The following USP6NL variants were observed in gnomAD, a reference collection of about 807,000 sequenced individuals.
USP6NL encodes the protein USP6 N-terminal-like protein.
Under a neutral mutation model 61.9 loss-of-function variants are expected in USP6NL, and 26 were observed. That is an observed-to-expected ratio of 0.42 (90% confidence interval 0.31 to 0.58). The LOEUF (loss-of-function observed/expected upper bound fraction) is 0.58. USP6NL is among the 20% of genes least tolerant of loss of function. The pLI is 0.16. For synonymous variants in USP6NL, 432 were observed against 390.1 expected (o/e 1.11, Z -1.27); for missense variants, 1,114 against 1,034.3 (o/e 1.08, Z -1.06).
intron 2 of USP6NL, among the ~76,000 whole-genome samples, chr10:11,556,495 TA>T (rs929589286): frequency 6.6e-6 from 1 of 152,024 alleles, no homozygotes; most frequent in African/African-American, 2.4e-5. Flanking sequence ...AGATTAAATG[TA>T]AAAAAACAGA....
intron 2 of USP6NL, among the ~76,000 whole-genome samples, chr10:11,546,279 T>C (rs980490400): frequency 2.0e-5 from 3 of 152,218 alleles, no homozygotes; most frequent in Non-Finnish European, 4.4e-5. Context: ...CTAACATGAA[T>C]AGAAAACTAA....
At chr10:11,527,414 T>G in intron 3 of USP6NL, 86 bp downstream of exon 3, 1 of 1,215,378 alleles carries the variant, frequency 8.2e-7, no homozygotes, top group South Asian at 1.3e-5. Context: ...GCTTCTGGAA[T>G]GTAAGCCCTC....
chr10:11,530,981 A>T (rs1269263579), intron 2 of USP6NL, among the ~76,000 whole-genome samples: 1 of 152,236 alleles, frequency 6.6e-6, no homozygotes, highest in Non-Finnish European at 1.5e-5. Context: ...GATTATCAAC[A>T]GCTGTCTTGT....
chr10:11,473,379 G>A (rs543206879), intron 14 of USP6NL, among the ~76,000 whole-genome samples: 3 of 152,334 alleles, frequency 2.0e-5, no homozygotes, highest in Non-Finnish European at 2.9e-5. Context: ...AGCATGTGTA[G>A]TGGACGGGTC....
intron 2 of USP6NL, among the ~76,000 whole-genome samples, chr10:11,571,116 T>C (rs1311375145): frequency 6.6e-6 from 1 of 151,014 alleles, no homozygotes; most frequent in Non-Finnish European, 1.5e-5. Context: ...AAAGTTTTAC[T>C]CTTGTTGCCC....
chr10:11,550,458 T>C (rs762198431), intron 2 of USP6NL, among the ~76,000 whole-genome samples: 11 of 152,004 alleles, frequency 7.2e-5, no homozygotes, highest in Non-Finnish European at 1.0e-4. Flanking sequence ...TTTTGTTTTT[T>C]AAAAAAAGCA....
At chr10:11,570,703 T>A (rs1052862717) in intron 2 of USP6NL, among the ~76,000 whole-genome samples, 1 of 152,250 alleles carries the variant, frequency 6.6e-6, no homozygotes, top group African/African-American at 2.4e-5. Context: ...ACAGCTCTTA[T>A]GATTACATTT....
At position 11,495,295 on chromosome 10, in the gene USP6NL, A is replaced by G. The variant is rs1259795860; in HGVS notation, c.385-2067T>C. 1.3e-5 allele frequency among the ~76,000 whole-genome samples: 2 copies of G among 152,128 alleles called. No homozygotes were observed. The highest frequency in any genetic ancestry group is 2.4e-5 in the African/African-American group (1 of 41,400). On this transcript the variant is annotated intron_variant, in intron 7 of 14. Transcript: ENST00000609104. The surrounding 1 kb of genome is among the most constrained non-coding windows in gnomAD (Gnocchi z 4.6). Reference sequence around the variant, plus strand: ...GAATATAGAGTAATTGCTACAAACTAATGATTAATGATATTCATATATAAT... The same window carrying G: ...GAATATAGAGTAATTGCTACAAACTGATGATTAATGATATTCATATATAAT...
intron 1 of USP6NL, among the ~76,000 whole-genome samples, chr10:11,610,906 G>T (rs937333423): frequency 2.0e-5 from 3 of 152,106 alleles, no homozygotes; most frequent in African/African-American, 7.2e-5. Flanking sequence ...TGCCGCACCA[G>T]CCTAGGGTTG....
intron 14 of USP6NL, among the ~76,000 whole-genome samples, chr10:11,479,810 C>T (rs990342498): frequency 6.6e-5 from 10 of 152,184 alleles, no homozygotes; most frequent in Admixed American, 2.6e-4. Flanking sequence ...CTCCTGACCT[C>T]GTGATCTGCC....
intron 14 of USP6NL, among the ~76,000 whole-genome samples, chr10:11,466,215 A>C (rs1191775215): frequency 6.6e-6 from 1 of 152,234 alleles, no homozygotes; most frequent in African/African-American, 2.4e-5. Context: ...AATCAAGTAA[A>C]ATCATACCCC....
At chr10:11,523,086 G>A (rs1397589981) in intron 4 of USP6NL, among the ~76,000 whole-genome samples, 3 of 152,156 alleles carry the variant, frequency 2.0e-5, no homozygotes, top group South Asian at 2.1e-4. Flanking sequence ...CACAGTAAGT[G>A]CACAATAAAT....
intron 2 of USP6NL, among the ~76,000 whole-genome samples, chr10:11,593,908 G>T (rs1588419412): frequency 6.6e-6 from 1 of 152,166 alleles, no homozygotes; most frequent in Admixed American, 6.5e-5. Context: ...TGATAACATG[G>T]AAAGGGCTGG....
Position 11,611,500 on chromosome 10 carries a change from C to T in USP6NL, c.-141G>A. The T allele has an allele frequency of 6.2e-6, 1 of 160,346 alleles. No homozygotes were observed. The highest frequency in any genetic ancestry group is 1.4e-5 in the Non-Finnish European group (1 of 73,864). 9.9% of individuals were successfully genotyped at this position (160,346 alleles called of 1,614,324 possible). On this transcript the variant is annotated 5_prime_UTR_variant, in exon 1 of 15. Transcript: ENST00000609104. This position sits in a 1 kb window ranked among gnomAD's most constrained non-coding sequence, Gnocchi z 5.3. ...AGCGGACAGAGCTGGCGGTCCCGGG[C>T]GGCCGAGCAGATCCGGCGCGGCGCG...
intron 3 of USP6NL, among the ~76,000 whole-genome samples, chr10:11,526,070 G>A (rs1210133420): frequency 2.0e-5 from 3 of 152,122 alleles, no homozygotes; most frequent in Non-Finnish European, 2.9e-5. Context: ...CTCCTGTGAC[G>A]TTGTCCTCTC....
rs1555160182 is a variant in USP6NL, at chr10:11,474,892, AAAAGTGCTAT to A, written c.1078+6868_1078+6877del. On this transcript the variant is annotated intron_variant, in intron 14 of 14. Coordinates refer to ENST00000609104, the MANE Select transcript of USP6NL (RefSeq NM_014688.5). The surrounding 1 kb of genome is among the most constrained non-coding windows in gnomAD (Gnocchi z 4.9). ...TGTGAAGTGTGGAAGCTGCGGACAG[AAAAGTGCTAT>A]ACCTTACACTAAGGAGTGTGGATGT... Among the ~76,000 whole-genome samples, 1 of 152,184 alleles carries A rather than the reference AAAAGTGCTAT, an allele frequency of 6.6e-6. No individual in the cohort carries two copies. The highest frequency in any genetic ancestry group is 1.5e-5 in the Non-Finnish European group (1 of 68,028).
At chr10:11,477,372 C>T (rs955279192) in intron 14 of USP6NL, among the ~76,000 whole-genome samples, 1 of 152,146 alleles carries the variant, frequency 6.6e-6, no homozygotes, top group African/African-American at 2.4e-5. Context: ...TAAGAGATTG[C>T]TTTGCAAAAC....
intron 14 of USP6NL, among the ~76,000 whole-genome samples, chr10:11,467,678 C>A (rs190107475): frequency 7.8e-4 from 119 of 152,272 alleles, no homozygotes; most frequent in Non-Finnish European, 1.4e-3. Context: ...AGTATAATCT[C>A]ATTTACTATG....
At position 11,508,553 on chromosome 10, in the gene USP6NL, C is replaced by T. The variant is rs559489724; in HGVS notation, c.276+1042G>A. ...TAATCAAGGCAGCAGTAGTGCTGTA[C>T]TGTGGAATTAGTGATTCCTCACTCT... On this transcript the variant is annotated intron_variant, in intron 6 of 14. Coordinates refer to ENST00000609104, the MANE Select transcript of USP6NL (RefSeq NM_014688.5). Among the ~76,000 whole-genome samples, 10 of 152,330 alleles carry T rather than the reference C, an allele frequency of 6.6e-5. No individual in the cohort carries two copies. The South Asian group carries it at 2.1e-3, about 32-fold the overall frequency.
Sources: allele counts gnomAD v4.1 joint callset (sites outside exome capture counted in the v4.1 genomes callset), GRCh38; gene constraint gnomAD v4.1.1; non-coding constraint Gnocchi (gnomAD v3.1); transcripts MANE v1.5; gene names NCBI Gene and HGNC (gene_info 2026-07-23, HGNC 2026-07-21).